ACSS3: variants seen among roughly 807,000 people sequenced by gnomAD.
ACSS3 encodes the protein acyl-CoA synthetase short chain family member 3.
In ACSS3, 64 loss-of-function variants were observed where a neutral mutation model predicts 84.2. The ratio of observed to expected loss-of-function variants is 0.76; its 90% CI spans 0.62 to 0.94. The LOEUF is 0.94. ACSS3 is among the 40% of genes least tolerant of loss of function. The pLI, the probability that ACSS3 is intolerant of heterozygous loss-of-function variation, is 0.00. For missense variants in ACSS3, 815 were observed against 867.6 expected, an observed-to-expected ratio of 0.94 and a Z score of 0.76; for synonymous variants, 317 against 310.1, an observed-to-expected ratio of 1.02 and a Z score of -0.23.
In ACSS3 at chr12:81,259,606, C is replaced by A. The variant is rs2034668319; in HGVS notation, c.*4684C>A. The A allele has an allele frequency of 1.3e-6, 2 of 1,527,976 alleles. No individual in the cohort carries two copies. The highest frequency in any genetic ancestry group is 2.7e-5 in the African/African-American group (2 of 72,904). The allele number at this position is 1,527,976 out of a possible 1,614,324, so 94.7% of individuals were successfully genotyped here. ...TCAGTTTTCACAAAGGTTTTCACTGCTCGTCTTCTTAGATGGTAGTGCACT... is the reference window on the plus strand; with the variant it reads ...TCAGTTTTCACAAAGGTTTTCACTGATCGTCTTCTTAGATGGTAGTGCACT... On this transcript the variant is annotated 3_prime_UTR_variant, in exon 16 of 16. Coordinates refer to ENST00000548058, the MANE Select transcript of ACSS3 (RefSeq NM_024560.4).
chr12:81,208,473 C>T lies in ACSS3; in HGVS notation c.1355-8428C>T, dbSNP rs1331297438. 2.6e-5 allele frequency among the ~76,000 whole-genome samples: 4 copies of T among 151,706 alleles called. 1 individual carries two copies. The East Asian group carries it at 5.8e-4, about 22-fold the overall frequency. ...GGCCTTTTCCCTCTTGCTTTTGCCC[C>T]GTATCCAGACAATCACCAAGACCTT... On this transcript the variant is annotated intron_variant, in intron 9 of 15. Coordinates refer to ENST00000548058, the MANE Select transcript of ACSS3 (RefSeq NM_024560.4).
intron 7 of ACSS3, among the ~76,000 whole-genome samples, chr12:81,161,740 G>C (rs1887159524): frequency 6.6e-6 from 1 of 152,300 alleles, no homozygotes; most frequent in East Asian, 1.9e-4. Context: ...TGCTCAGCTT[G>C]TCCTACTGGC....
rs1369995514 is a variant in ACSS3 at position 81,199,744 on chromosome 12, G to A, written c.1354+300G>A. ...ACTAAGTCTCAGATTTTCCTTTGAA[G>A]TGTCTGTTGGGTTCATTCCACCTTC... On this transcript the variant is annotated intron_variant, in intron 9 of 15. Transcript: ENST00000548058. 4.9e-6 allele frequency: 6 copies of A among 1,236,716 alleles called. No homozygotes were observed. In the Admixed American group the frequency reaches 1.1e-4, roughly 23 times the overall value. The allele number at this position is 1,236,716 out of a possible 1,614,324, so 76.6% of individuals were successfully genotyped here. A position where few individuals can be genotyped will look rare whatever the true frequency, so the allele number is the denominator to read the frequency against.
chr12:81,118,718 A>G (rs546476832), intron 2 of ACSS3, among the ~76,000 whole-genome samples: 40 of 152,328 alleles, frequency 2.6e-4, no homozygotes. Context: ...GTGGCATGCT[A>G]GAGATTAAGA....
intron 9 of ACSS3, among the ~76,000 whole-genome samples, chr12:81,209,124 A>G (rs2032478802): frequency 6.6e-6 from 1 of 151,842 alleles, no homozygotes; most frequent in South Asian, 2.1e-4. Context: ...TAGGCCCCTG[A>G]TCTTTATCAT....
intron 1 of ACSS3, among the ~76,000 whole-genome samples, chr12:81,099,877 AGC>A (rs1882364954): frequency 1.3e-5 from 2 of 152,186 alleles, no homozygotes; most frequent in African/African-American, 4.8e-5. Context: ...ATTTACTACT[AGC>A]CACTTCTGGC....
At chr12:81,166,989 A>C (rs1247428576) in intron 7 of ACSS3, among the ~76,000 whole-genome samples, 1 of 152,236 alleles carries the variant, frequency 6.6e-6, no homozygotes, top group Non-Finnish European at 1.5e-5. Context: ...GAGTGACTGC[A>C]CATCCACATG....
At chr12:81,161,469 T>G (rs776000638) in intron 7 of ACSS3, among the ~76,000 whole-genome samples, 20 of 152,200 alleles carry the variant, frequency 1.3e-4, no homozygotes, top group Non-Finnish European at 1.9e-4. Flanking sequence ...TTCACTTCTA[T>G]TTTTTTGATG....
At chr12:81,143,387 T>C (rs938315666) in intron 5 of ACSS3, 140 bp downstream of exon 5, 6 of 927,248 alleles carry the variant, frequency 6.5e-6, no homozygotes, top group South Asian at 2.9e-5. Flanking sequence ...TTTTTTTTCC[T>C]GTGCCCAGTC....
Position 81,175,442 on chromosome 12 carries a change from A to G in ACSS3, c.1250+503A>G, listed in dbSNP as rs181703095. Among the ~76,000 whole-genome samples the G allele has an allele frequency of 4.0e-4, 61 of 152,352 alleles. No homozygotes were observed. In the East Asian group the frequency reaches 0.011, roughly 26 times the overall value. ...TGGGAGACATCAGGACCACACTGAC[A>G]GTATTCAATAGATGATTGAGGCAGA... On this transcript the variant is annotated intron_variant, in intron 8 of 15. Transcript: ENST00000548058.
intron 7 of ACSS3, among the ~76,000 whole-genome samples, chr12:81,172,984 A>C (rs1214328332): frequency 6.6e-6 from 1 of 152,180 alleles, no homozygotes; most frequent in African/African-American, 2.4e-5. Flanking sequence ...TATTGGCAAA[A>C]TGATTTATTC....
chr12:81,137,736 A>T (rs930614377), intron 3 of ACSS3, among the ~76,000 whole-genome samples: 12 of 152,118 alleles, frequency 7.9e-5, no homozygotes, highest in African/African-American at 2.2e-4. Flanking sequence ...TCCTAATTTG[A>T]TATGTAGCTT....
intron 1 of ACSS3, among the ~76,000 whole-genome samples, chr12:81,102,243 G>C (rs560000934): frequency 3.9e-5 from 6 of 152,204 alleles, no homozygotes; most frequent in African/African-American, 1.4e-4. Flanking sequence ...CTTCCTATGA[G>C]TGTTTAAGGA....
intron 13 of ACSS3, among the ~76,000 whole-genome samples, chr12:81,241,007 C>G (rs1283745820): frequency 8.5e-6 from 1 of 117,576 alleles, no homozygotes; most frequent in African/African-American, 3.3e-5. Context: ...CCACAACAGT[C>G]CCCATGTGTG....
intron 4 of ACSS3, 108 bp from the exon 5 acceptor site, chr12:81,142,999 G>C: frequency 2.8e-6 from 3 of 1,059,456 alleles, no homozygotes; most frequent in Non-Finnish European, 3.8e-6. Flanking sequence ...TGCCATATAG[G>C]CCTAGATTTT....
intron 9 of ACSS3, among the ~76,000 whole-genome samples, chr12:81,203,158 TG>T (rs1377746185): frequency 6.6e-6 from 1 of 152,072 alleles, no homozygotes; most frequent in African/African-American, 2.4e-5. Flanking sequence ...ACTCCAAAGA[TG>T]GGGGAGCCTG....
chr12:81,136,649 A>G (rs1489755754), intron 3 of ACSS3, among the ~76,000 whole-genome samples: 1 of 152,152 alleles, frequency 6.6e-6, no homozygotes, highest in Non-Finnish European at 1.5e-5. Flanking sequence ...GGTAAAATTC[A>G]TTTGGAAGGA....
Position 81,152,023 on chromosome 12 carries a change from T to G in ACSS3, c.1025T>G (p.Leu342Ter). ...TAGGTGTGGTGGGCAGCTTCTGACT[T>G]AGGCTGGGTTGTTGGACATTCCTAT... ...PGEVWWAASDLGWVVGHSYIC... is the reference protein window; with the variant it reads ...PGEVWWAASD Residue 342 changes from leucine (L) to a stop codon, truncating the protein, a stop_gained, in exon 7 of 16, where the codon TTA becomes TGA. Coordinates refer to ENST00000548058, the MANE Select transcript of ACSS3 (RefSeq NM_024560.4). LOFTEE classifies it high-confidence loss of function. 1 of 1,613,682 alleles carries G rather than the reference T, an allele frequency of 6.2e-7. No individual in the cohort carries two copies. Among genetic ancestry groups the G allele is most frequent in the Middle Eastern group, 1.7e-4 (1 of 5,992 alleles).
intron 8 of ACSS3, among the ~76,000 whole-genome samples, chr12:81,182,580 A>G (rs1001768185): frequency 1.3e-5 from 2 of 152,220 alleles, no homozygotes; most frequent in Non-Finnish European, 1.5e-5. Context: ...AAAAAGATGC[A>G]TATTTTGACA....
Sources: allele counts gnomAD v4.1 joint callset (sites outside exome capture counted in the v4.1 genomes callset), GRCh38; gene constraint gnomAD v4.1.1; transcripts MANE v1.5; gene names NCBI Gene and HGNC (gene_info 2026-07-23, HGNC 2026-07-21).